The following ERI1 variants were observed in gnomAD, a reference collection of about 807,000 sequenced individuals.
ERI1 encodes 3'-5' exoribonuclease 1.
In ERI1, 39 loss-of-function variants were observed where a neutral mutation model predicts 39.7. The ratio of observed to expected loss-of-function variants is 0.98; its 90% CI spans 0.76 to 1.28. The LOEUF is 1.28. Ranked by LOEUF, ERI1 falls within the 50% of genes most tolerant of loss-of-function variation. The pLI, the probability that ERI1 is intolerant of heterozygous loss-of-function variation, is 0.00. For missense variants in ERI1, 581 were observed against 416.9 expected (o/e 1.39, Z -3.43); for synonymous variants, 204 against 149.6 (o/e 1.36, Z -2.65).
At chr8:9,003,224 G>C (rs1473722951) in intron 1 of ERI1, 53 bp downstream of exon 1, 1 of 1,113,084 alleles carries the variant, frequency 9.0e-7, no homozygotes, top group Admixed American at 4.2e-5. Context: ...CGTCCCCAAA[G>C]CGCCCTCGGC....
Position 9,077,788 on chromosome 8 carries a change from G to A in ERI1, n.300-38560G>A, listed in dbSNP as rs117093526. Among the ~76,000 whole-genome samples, 4 of 152,328 alleles carry A rather than the reference G, an allele frequency of 2.6e-5. No individual in the cohort carries two copies. The East Asian group carries it at 7.7e-4, about 29-fold the overall frequency. On this transcript the variant is annotated intron_variant and non_coding_transcript_variant, in intron 3 of 3. Transcript: ENST00000518663. ...CCTTTAGTCAGATAAGAGAGGACTA[G>A]AGAAAGCTCTTCTCTGCGTTTGCCC... is the stretch of plus-strand genomic sequence containing the variant.
chr8:9,007,391 CAT>C (rs1450060566), intron 1 of ERI1, among the ~76,000 whole-genome samples: 5 of 152,104 alleles, frequency 3.3e-5, no homozygotes, highest in South Asian at 2.1e-4. Flanking sequence ...AGTTATTACA[CAT>C]GTATAATGTA....
chr8:9,065,492 G>A (rs905440554), intron 3 of ERI1, among the ~76,000 whole-genome samples: 2 of 151,914 alleles, frequency 1.3e-5, no homozygotes, highest in Non-Finnish European at 2.9e-5. Context: ...TCAGGAGATC[G>A]AGACCATCTT....
rs193250360 is a variant in ERI1, at chr8:9,095,589, T to C, written n.300-20759T>C. 3.2e-3 allele frequency among the ~76,000 whole-genome samples: 491 copies of C among 152,244 alleles called. 2 individuals carry two copies. The highest frequency in any genetic ancestry group is 0.011 in the African/African-American group (469 of 41,554). On this transcript the variant is annotated intron_variant and non_coding_transcript_variant, in intron 3 of 3. Transcript: ENST00000518663. ...AGCCTGATAATGGTTTACTGCAGCCTCAACTTCCTGGGCTCAAGCCTCCCT... is the reference window on the plus strand; with the variant it reads ...AGCCTGATAATGGTTTACTGCAGCCCCAACTTCCTGGGCTCAAGCCTCCCT...
intron 3 of ERI1, among the ~76,000 whole-genome samples, chr8:9,078,935 A>C (rs1178683174): frequency 2.0e-5 from 3 of 152,172 alleles, no homozygotes; most frequent in South Asian, 2.1e-4. Flanking sequence ...ACTAGTGCTG[A>C]GTGAGCAAAG....
chr8:9,008,231 C>T (rs1816254254), intron 2 of ERI1, 83 bp downstream of exon 2: 1 of 1,173,010 alleles, frequency 8.5e-7, no homozygotes, highest in South Asian at 1.8e-5. Context: ...TATTAAAAAT[C>T]ATCTGTAATC....
intron 3 of ERI1, chr8:9,072,453 T>A (rs1799082598): frequency 6.6e-6 from 1 of 152,174 alleles, no homozygotes; most frequent in Admixed American, 6.5e-5. Context: ...TGTTTTTTAC[T>A]GTGGGGTTTT....
chr8:9,026,076 C>A (rs1195883756), intron 6 of ERI1, among the ~76,000 whole-genome samples: 3 of 152,144 alleles, frequency 2.0e-5, no homozygotes, highest in Non-Finnish European at 4.4e-5. Flanking sequence ...TTCTTAGTTA[C>A]ACATAAATTA....
chr8:9,013,153 T>C (rs1305679516), intron 3 of ERI1, among the ~76,000 whole-genome samples: 1 of 151,988 alleles, frequency 6.6e-6, no homozygotes, highest in African/African-American at 2.4e-5. Context: ...TAGCTGGGAA[T>C]ACAGGTGTGT....
At chr8:9,029,371 C>A (rs183256747) in intron 6 of ERI1, among the ~76,000 whole-genome samples, 2 of 152,202 alleles carry the variant, frequency 1.3e-5, no homozygotes, top group Non-Finnish European at 2.9e-5. Context: ...CTCTGTTGTT[C>A]AGGCTGGAGT....
intron 3 of ERI1, among the ~76,000 whole-genome samples, chr8:9,079,548 C>T (rs976939642): frequency 2.0e-5 from 3 of 152,234 alleles, no homozygotes; most frequent in East Asian, 3.9e-4. Context: ...ATGACTGTGT[C>T]GATCTAAAAG....
intron 3 of ERI1, among the ~76,000 whole-genome samples, chr8:9,093,652 C>A (rs905810140): frequency 8.5e-5 from 13 of 152,342 alleles, no homozygotes; most frequent in African/African-American, 3.1e-4. Flanking sequence ...ACTGCAACCT[C>A]TGCCTCCTGG....
intron 3 of ERI1, among the ~76,000 whole-genome samples, chr8:9,094,320 A>C (rs1799804426): frequency 6.6e-6 from 1 of 152,208 alleles, no homozygotes; most frequent in Admixed American, 6.5e-5. Context: ...TCATGCCCTC[A>C]TTCTCAGTGC....
intron 3 of ERI1, among the ~76,000 whole-genome samples, chr8:9,099,025 G>T (rs768358286): frequency 1.3e-4 from 20 of 152,022 alleles, no homozygotes; most frequent in Admixed American, 6.6e-5. Context: ...AGTAGAGACA[G>T]GGTTTCACCA....
At chr8:9,026,741 A>G (rs1248664640) in intron 6 of ERI1, among the ~76,000 whole-genome samples, 1 of 152,192 alleles carries the variant, frequency 6.6e-6, no homozygotes, top group African/African-American at 2.4e-5. Context: ...TTTTCGGATG[A>G]GTGATGCAAA....
intron 3 of ERI1, among the ~76,000 whole-genome samples, chr8:9,060,504 A>T (rs1798657901): frequency 6.6e-6 from 1 of 152,178 alleles, no homozygotes; most frequent in Non-Finnish European, 1.5e-5. Context: ...CTGAGAAGTG[A>T]TCTCCTTGAG....
chr8:9,027,294 A>G (rs1018418383), intron 6 of ERI1, among the ~76,000 whole-genome samples: 4 of 151,994 alleles, frequency 2.6e-5, no homozygotes, highest in Non-Finnish European at 5.9e-5. Context: ...TTGGCATATC[A>G]TGTTTGGAGA....
At chr8:9,094,823 A>G (rs1799824181) in intron 3 of ERI1, among the ~76,000 whole-genome samples, 1 of 152,180 alleles carries the variant, frequency 6.6e-6, no homozygotes, top group South Asian at 2.1e-4. Context: ...AAAGACTCAG[A>G]CAAATATTAA....
rs1000118029 is a variant in ERI1 at position 9,063,397 on chromosome 8, G to T, written n.299+42933G>T. Among the ~76,000 whole-genome samples, 4 of 152,150 alleles carry T rather than the reference G, an allele frequency of 2.6e-5. No individual in the cohort carries two copies. In the East Asian group the frequency reaches 5.8e-4, roughly 22 times the overall value. On this transcript the variant is annotated intron_variant and non_coding_transcript_variant, in intron 3 of 3. Transcript: ENST00000518663. Reference sequence around the variant, plus strand: ...TTTAAGAGGAAATTGCTGGGCAGGTGGGGGAGGGCTAGTCATGGAATGAAA... The same window carrying T: ...TTTAAGAGGAAATTGCTGGGCAGGTTGGGGAGGGCTAGTCATGGAATGAAA...
Sources: allele counts gnomAD v4.1 joint callset (sites outside exome capture counted in the v4.1 genomes callset), GRCh38; gene constraint gnomAD v4.1.1; transcripts MANE v1.5; gene names NCBI Gene and HGNC (gene_info 2026-07-23, HGNC 2026-07-21).